MACROD2: variants seen among roughly 807,000 people sequenced by gnomAD.
MACROD2 encodes ADP-ribose glycohydrolase MACROD2.
Under a neutral mutation model 70.4 loss-of-function variants are expected in MACROD2, and 36 were observed. The ratio of observed to expected loss-of-function variants is 0.51; its 90% CI spans 0.39 to 0.68. The LOEUF (loss-of-function observed/expected upper bound fraction) is 0.68. Among genes scored for constraint, MACROD2 ranks in the 30% least tolerant of loss-of-function variants. MACROD2 has a pLI of 0.00. For synonymous variants in MACROD2, 172 were observed against 178.8 expected, an observed-to-expected ratio of 0.96 and a Z score of 0.30; for missense variants, 496 against 538.4, an observed-to-expected ratio of 0.92 and a Z score of 0.78.
At chr20:16,004,867 T>C (rs1568701972) in intron 15 of MACROD2, among the ~76,000 whole-genome samples, 2 of 152,212 alleles carry the variant, frequency 1.3e-5, no homozygotes, top group South Asian at 2.1e-4. Context: ...TTATACTTTT[T>C]ACAGACAGTA....
chr20:15,872,885 A>G (rs2064605846), intron 9 of MACROD2, among the ~76,000 whole-genome samples: 1 of 152,174 alleles, frequency 6.6e-6, no homozygotes. Flanking sequence ...AATTAGTCTT[A>G]TAACTTGCTA....
At chr20:15,445,911 A>T (rs147562684) in intron 7 of MACROD2, among the ~76,000 whole-genome samples, 1 of 152,266 alleles carries the variant, frequency 6.6e-6, no homozygotes, top group African/African-American at 2.4e-5. Flanking sequence ...GAATCAGACA[A>T]TCATGAACCC....
In MACROD2 at chr20:14,190,320, A is replaced by G. The variant is rs73259184; in HGVS notation, c.271+104592A>G. ...AAATGATAGATTTTATCACATCTCT[A>G]TGCCTTCTTAATATGGTGTCCAGAA... On this transcript the variant is annotated intron_variant, in intron 3 of 17. Coordinates refer to ENST00000684519, the MANE Select transcript of MACROD2 (RefSeq NM_001351661.2). Among the ~76,000 whole-genome samples the G allele has an allele frequency of 3.9e-3, 599 of 152,222 alleles. 6 individuals carry two copies. The highest frequency in any genetic ancestry group is 0.014 in the African/African-American group (575 of 41,552).
At chr20:14,782,085 A>G (rs2072309307) in intron 5 of MACROD2, among the ~76,000 whole-genome samples, 1 of 151,788 alleles carries the variant, frequency 6.6e-6, no homozygotes, top group African/African-American at 2.4e-5. Context: ...CACCACGCCC[A>G]GATAATTTTT....
chr20:15,416,881 C>T (rs866738999), intron 6 of MACROD2, among the ~76,000 whole-genome samples: 2 of 150,704 alleles, frequency 1.3e-5, no homozygotes, highest in African/African-American at 2.4e-5. Flanking sequence ...CCAGCCCGGG[C>T]GACAGAGCGA....
chr20:15,955,011 G>T (rs2065957083), intron 12 of MACROD2, among the ~76,000 whole-genome samples: 1 of 152,134 alleles, frequency 6.6e-6, no homozygotes, highest in African/African-American at 2.4e-5. Flanking sequence ...CATGGTAAGT[G>T]TTAAAAAAGG....
chr20:15,462,497 C>T (rs1219831338), intron 7 of MACROD2, among the ~76,000 whole-genome samples: 1 of 152,188 alleles, frequency 6.6e-6, no homozygotes, highest in Non-Finnish European at 1.5e-5. Flanking sequence ...CAAAGCACGT[C>T]ATGACCTCTT....
intron 5 of MACROD2, among the ~76,000 whole-genome samples, chr20:15,035,747 C>T (rs2075307895): frequency 6.6e-6 from 1 of 152,192 alleles, no homozygotes; most frequent in South Asian, 2.1e-4. Context: ...GGATCTTTAA[C>T]TAGACAGAGG....
intron 5 of MACROD2, among the ~76,000 whole-genome samples, chr20:14,785,683 CT>C: frequency 6.6e-6 from 1 of 152,158 alleles, no homozygotes; most frequent in African/African-American, 2.4e-5. Flanking sequence ...ATTATTTTTG[CT>C]TCTTATTGTT....
At chr20:15,240,260 A>G (rs2077049952) in intron 6 of MACROD2, among the ~76,000 whole-genome samples, 1 of 152,152 alleles carries the variant, frequency 6.6e-6, no homozygotes, top group Non-Finnish European at 1.5e-5. Context: ...ATTTAACACA[A>G]TTCTATGAAT....
At chr20:15,109,228 A>C (rs1276937318) in intron 5 of MACROD2, among the ~76,000 whole-genome samples, 2 of 152,210 alleles carry the variant, frequency 1.3e-5, no homozygotes, top group Admixed American at 6.5e-5. Context: ...TGGATTCAAA[A>C]GAGTAAAAGT....
intron 6 of MACROD2, among the ~76,000 whole-genome samples, chr20:15,325,549 C>T (rs1600244079): frequency 2.0e-5 from 3 of 152,106 alleles, no homozygotes; most frequent in East Asian, 3.9e-4. Flanking sequence ...TGCTTGGTAA[C>T]CTCCATGGTG....
intron 15 of MACROD2, among the ~76,000 whole-genome samples, chr20:16,033,863 G>GGA (rs2067188389): frequency 2.6e-5 from 4 of 151,006 alleles, no homozygotes; most frequent in Admixed American, 2.6e-4. Flanking sequence ...GGGGTGGGGT[G>GGA]GGGGAGAAAG....
chr20:14,255,104 T>G (rs2082042980), intron 3 of MACROD2, among the ~76,000 whole-genome samples: 3 of 152,166 alleles, frequency 2.0e-5, no homozygotes, highest in Admixed American at 1.3e-4. Context: ...TGCTGAGAGA[T>G]CCGCTGTTAG....
At chr20:15,759,117 G>A (rs1004256829) in intron 8 of MACROD2, among the ~76,000 whole-genome samples, 5 of 140,430 alleles carry the variant, frequency 3.6e-5, no homozygotes, top group African/African-American at 1.4e-4. Flanking sequence ...CTGTACTCCA[G>A]CCTGGGTGAC....
intron 8 of MACROD2, among the ~76,000 whole-genome samples, chr20:15,671,414 G>A (rs887166771): frequency 1.3e-5 from 2 of 152,184 alleles, no homozygotes; most frequent in Non-Finnish European, 2.9e-5. Context: ...AGAATGTAAG[G>A]GGTGGGGGGA....
intron 6 of MACROD2, among the ~76,000 whole-genome samples, chr20:15,401,199 G>A (rs1435550921): frequency 2.0e-5 from 3 of 151,974 alleles, no homozygotes; most frequent in Non-Finnish European, 2.9e-5. Flanking sequence ...CACCACGCCC[G>A]GCTAATTTTT....
At chr20:14,670,393 G>A (rs965972361) in intron 4 of MACROD2, among the ~76,000 whole-genome samples, 2 of 152,122 alleles carry the variant, frequency 1.3e-5, no homozygotes, top group African/African-American at 4.8e-5. Flanking sequence ...CTACCAGTCT[G>A]GCACATTCTA....
chr20:14,464,977 G>C (rs1379531151), intron 3 of MACROD2, among the ~76,000 whole-genome samples: 6 of 152,072 alleles, frequency 3.9e-5, no homozygotes, highest in Non-Finnish European at 8.8e-5. Context: ...TTTTGGAATA[G>C]GTGTGGTGTG....
Sources: allele counts gnomAD v4.1 joint callset (sites outside exome capture counted in the v4.1 genomes callset), GRCh38; gene constraint gnomAD v4.1.1; transcripts MANE v1.5; gene names NCBI Gene and HGNC (gene_info 2026-07-23, HGNC 2026-07-21).